The following PLCL2 variants were observed in gnomAD, a reference collection of about 807,000 sequenced individuals.
PLCL2 encodes the protein phospholipase C like 2.
PLCL2 carries 4 observed loss-of-function variants against 79.6 expected under a neutral mutation model. The ratio of observed to expected loss-of-function variants is 0.05; its 90% CI spans 0.02 to 0.11. The LOEUF (loss-of-function observed/expected upper bound fraction) is 0.11. PLCL2 is among the 10% of genes least tolerant of loss of function. PLCL2 has a pLI of 1.00. For synonymous variants in PLCL2, 484 were observed against 457.7 expected, an observed-to-expected ratio of 1.06 and a Z score of -0.73; for missense variants, 895 against 1,291.0, an observed-to-expected ratio of 0.69 and a Z score of 4.70.
chr3:17,042,626 G>A (rs2064736864), intron 3 of PLCL2: 2 of 345,842 alleles, frequency 5.8e-6, no homozygotes, highest in Non-Finnish European at 5.4e-6. Context: ...CAGGGTTCAA[G>A]TGCAGTGTTG....
intron 1 of PLCL2, among the ~76,000 whole-genome samples, chr3:16,904,807 G>T (rs1696714310): frequency 6.6e-6 from 1 of 152,078 alleles, no homozygotes; most frequent in Non-Finnish European, 1.5e-5. Flanking sequence ...GAGATCTGAT[G>T]GTTTTATAAG....
intron 4 of PLCL2, among the ~76,000 whole-genome samples, chr3:17,048,948 A>G (rs990646134): frequency 6.6e-6 from 1 of 152,194 alleles, no homozygotes; most frequent in Non-Finnish European, 1.5e-5. Flanking sequence ...ATTGCTTAGT[A>G]TATACCATAG....
chr3:16,997,420 T>C (rs2064164631), intron 1 of PLCL2, among the ~76,000 whole-genome samples: 1 of 145,320 alleles, frequency 6.9e-6, no homozygotes, highest in Non-Finnish European at 1.5e-5. Flanking sequence ...GTTTGGAACT[T>C]ATGAGTGTTT....
chr3:17,071,371 A>G (rs1451204659), intron 5 of PLCL2, among the ~76,000 whole-genome samples: 1 of 152,236 alleles, frequency 6.6e-6, no homozygotes, highest in Non-Finnish European at 1.5e-5. Context: ...CAAAGAAGAA[A>G]TAAAGTCATC....
chr3:16,936,390 G>T (rs17200557), intron 1 of PLCL2, among the ~76,000 whole-genome samples: 3,364 of 152,268 alleles, frequency 0.022, 49 homozygotes, highest in South Asian at 0.033. Context: ...CGAAGCCCTG[G>T]TTCCCAGTAA....
chr3:16,947,395 T>A (rs1336571171), intron 1 of PLCL2, among the ~76,000 whole-genome samples: 1 of 152,178 alleles, frequency 6.6e-6, no homozygotes, highest in Non-Finnish European at 1.5e-5. Flanking sequence ...GAAGCGATGG[T>A]GCAGTTGTTC....
intron 2 of PLCL2, among the ~76,000 whole-genome samples, chr3:17,013,844 A>T (rs947965225): frequency 1.3e-5 from 2 of 152,206 alleles, no homozygotes; most frequent in Non-Finnish European, 2.9e-5. Flanking sequence ...TAACATCAGC[A>T]GCTTTCAGGT....
chr3:17,016,000 A>C (rs1294492376), intron 3 of PLCL2, among the ~76,000 whole-genome samples: 5 of 152,208 alleles, frequency 3.3e-5, no homozygotes, highest in Non-Finnish European at 7.3e-5. Context: ...AGTAAATATC[A>C]CATGGGGGGA....
At chr3:17,016,217 C>T (rs1444378725) in intron 3 of PLCL2, among the ~76,000 whole-genome samples, 1 of 152,140 alleles carries the variant, frequency 6.6e-6, no homozygotes, top group Non-Finnish European at 1.5e-5. Context: ...TTTGGAAAAT[C>T]CTTCTTCAGT....
At chr3:16,929,270 G>C (rs762574337) in intron 1 of PLCL2, among the ~76,000 whole-genome samples, 6 of 152,236 alleles carry the variant, frequency 3.9e-5, no homozygotes, top group Non-Finnish European at 7.4e-5. Flanking sequence ...AGCCTATAGA[G>C]GCTACCAGAG....
intron 1 of PLCL2, among the ~76,000 whole-genome samples, chr3:16,966,204 C>CTCAT (rs2063805033): frequency 1.7e-5 from 2 of 121,156 alleles, no homozygotes; most frequent in Admixed American, 8.2e-5. Context: ...CAATACTGAA[C>CTCAT]TTATTGAGAG....
intron 1 of PLCL2, among the ~76,000 whole-genome samples, chr3:17,005,250 A>T (rs1256076813): frequency 6.6e-6 from 1 of 152,162 alleles, no homozygotes; most frequent in Admixed American, 6.5e-5. Flanking sequence ...GTGCCCTTAG[A>T]CAAGACTGCA....
At chr3:16,963,954 TGA>T (rs1349358368) in intron 1 of PLCL2, among the ~76,000 whole-genome samples, 2 of 152,194 alleles carry the variant, frequency 1.3e-5, no homozygotes, top group Admixed American at 6.5e-5. Flanking sequence ...AGTCAGTCAG[TGA>T]GAGTGTTTGA....
At chr3:17,054,275 G>A (rs1415123844) in intron 4 of PLCL2, among the ~76,000 whole-genome samples, 2 of 152,070 alleles carry the variant, frequency 1.3e-5, no homozygotes, top group African/African-American at 4.8e-5. Context: ...TTCCCAATAA[G>A]TTCCTCATTT....
At chr3:16,902,826 C>CA (rs777160871) in intron 1 of PLCL2, among the ~76,000 whole-genome samples, 10,294 of 73,432 alleles carry the variant, frequency 0.14, 945 homozygotes, top group East Asian at 0.33. Context: ...CACTCCATCT[C>CA]AAAAAAAAAA....
chr3:16,988,234 A>G (rs1382750989), intron 1 of PLCL2, among the ~76,000 whole-genome samples: 4 of 152,202 alleles, frequency 2.6e-5, no homozygotes, highest in African/African-American at 9.7e-5. Context: ...AGCCAGATAC[A>G]TTTAAAAGCA....
chr3:17,019,694 C>A (rs1445040106), intron 3 of PLCL2, among the ~76,000 whole-genome samples: 2 of 152,096 alleles, frequency 1.3e-5, no homozygotes, highest in Non-Finnish European at 2.9e-5. Context: ...AGATTTAATG[C>A]ACTTAAAATA....
At chr3:16,954,878 G>C (rs900561874) in intron 1 of PLCL2, among the ~76,000 whole-genome samples, 12 of 151,984 alleles carry the variant, frequency 7.9e-5, no homozygotes, top group Admixed American at 2.0e-4. Flanking sequence ...GGGGTTGTTT[G>C]TATTTTCTTG....
intron 1 of PLCL2, among the ~76,000 whole-genome samples, chr3:16,988,044 T>A (rs1420085227): frequency 6.6e-6 from 1 of 152,142 alleles, no homozygotes; most frequent in Non-Finnish European, 1.5e-5. Flanking sequence ...AACCATGGAT[T>A]TGTCAAGCCT....
Sources: allele counts gnomAD v4.1 joint callset (sites outside exome capture counted in the v4.1 genomes callset), GRCh38; gene constraint gnomAD v4.1.1; transcripts MANE v1.5; gene names NCBI Gene and HGNC (gene_info 2026-07-23, HGNC 2026-07-21).